PEDS1: variants seen among roughly 807,000 people sequenced by gnomAD.
The protein encoded by PEDS1 is CarF homolog.
Under a neutral mutation model 35.2 loss-of-function variants are expected in PEDS1, and 14 were observed. The observed-to-expected ratio is 0.40, with a 90% CI of 0.26 to 0.62. The LOEUF (loss-of-function observed/expected upper bound fraction) is 0.62, where lower values mean the gene tolerates loss of function less well. Among genes scored for constraint, PEDS1 ranks in the 20% least tolerant of loss-of-function variants. The probability of loss-of-function intolerance (pLI) is 0.44; values close to 1 mark genes in which losing one functional copy is unlikely to be tolerated. For synonymous variants in PEDS1, 152 were observed against 152.0 expected (o/e 1.00, Z 0.00); for missense variants, 260 against 367.8 (o/e 0.71, Z 2.40).
rs984024054 is a variant in PEDS1 at position 50,118,819 on chromosome 20, T to C, written c.*6239A>G. ...TTTTGTATTTTTGGTAGAGACGGGG[T>C]TTCACTATGTTGGCCAGGCTGGTCT... On this transcript the variant is annotated 3_prime_UTR_variant, in exon 6 of 6. Coordinates refer to ENST00000371652, the MANE Select transcript of PEDS1 (RefSeq NM_199129.4). The C allele has an allele frequency of 6.6e-6, 1 of 151,904 alleles. No individual in the cohort carries two copies. Among genetic ancestry groups the C allele is most frequent in the Non-Finnish European group, 1.5e-5 (1 of 67,996 alleles). 9.4% of individuals were successfully genotyped at this position (151,904 alleles called of 1,614,324 possible).
intron 1 of PEDS1, among the ~76,000 whole-genome samples, chr20:50,149,717 T>G (rs2081382621): frequency 6.6e-6 from 1 of 152,064 alleles, no homozygotes; most frequent in Admixed American, 6.6e-5. Flanking sequence ...AGAGGCCCAT[T>G]CTCTGCCACC....
intron 1 of PEDS1, among the ~76,000 whole-genome samples, chr20:50,152,956 T>C (rs1307752002): frequency 6.6e-6 from 1 of 152,016 alleles, no homozygotes; most frequent in Admixed American, 6.5e-5. Context: ...TGGAAGCCCC[T>C]GAGTTAGGGT....
intron 2 of PEDS1, among the ~76,000 whole-genome samples, chr20:50,137,045 G>A (rs1262480087): frequency 6.6e-6 from 1 of 152,048 alleles, no homozygotes; most frequent in East Asian, 1.9e-4. Flanking sequence ...AAAAAGGCGG[G>A]GTGGGGGGAG....
intron 2 of PEDS1, among the ~76,000 whole-genome samples, chr20:50,137,443 G>C (rs1201812104): frequency 1.3e-5 from 2 of 152,200 alleles, no homozygotes; most frequent in African/African-American, 4.8e-5. Flanking sequence ...CTTTTGCTAT[G>C]ATGTGATGAA....
Position 50,153,684 on chromosome 20 carries a change from G to C in PEDS1, c.-47C>G, listed in dbSNP as rs8121379. The C allele has an allele frequency of 2.5e-6, 3 of 1,201,198 alleles. No homozygotes were observed. Among genetic ancestry groups the C allele is most frequent in the Non-Finnish European group, 3.1e-6 (3 of 968,724 alleles). The allele number at this position is 1,201,198 out of a possible 1,614,324, so 74.4% of individuals were successfully genotyped here. On this transcript the variant is annotated 5_prime_UTR_variant, in exon 1 of 6. Transcript: ENST00000371652. ...GGTGCGCTCTGCTGGCGGCGGCGGC[G>C]GCAGGGCCGCGGAACCGCGGCGAGA...
chr20:50,119,274 A>G lies in PEDS1; in HGVS notation c.*5784T>C, dbSNP rs2147258336. On this transcript the variant is annotated 3_prime_UTR_variant, in exon 6 of 6. Transcript: ENST00000371652. Reference sequence around the variant, plus strand: ...AGCAAGACCCCCGTCTCTAAAAATAATAAAAAAAAATTAGCTCAGCATGGT... The same window carrying G: ...AGCAAGACCCCCGTCTCTAAAAATAGTAAAAAAAAATTAGCTCAGCATGGT... 1 of 152,116 alleles carries G rather than the reference A, an allele frequency of 6.6e-6. No homozygotes were observed. Among genetic ancestry groups the G allele is most frequent in the African/African-American group, 2.4e-5 (1 of 41,460 alleles). 9.4% of individuals were successfully genotyped at this position (152,116 alleles called of 1,614,324 possible).
At chr20:50,132,042 A>G (rs1798623389) in intron 2 of PEDS1, among the ~76,000 whole-genome samples, 1 of 152,062 alleles carries the variant, frequency 6.6e-6, no homozygotes, top group Non-Finnish European at 1.5e-5. Flanking sequence ...CATCTGTACT[A>G]AAAATACAAA....
intron 3 of PEDS1, among the ~76,000 whole-genome samples, chr20:50,130,358 T>C (rs2081164512): frequency 6.6e-6 from 1 of 152,030 alleles, no homozygotes; most frequent in Admixed American, 6.6e-5. Flanking sequence ...CTGGCCACCT[T>C]ATGAGGGGAA....
At chr20:50,144,002 C>A (rs1294404687) in intron 1 of PEDS1, among the ~76,000 whole-genome samples, 1 of 151,922 alleles carries the variant, frequency 6.6e-6, no homozygotes, top group African/African-American at 2.4e-5. Flanking sequence ...TGGCCAGGAG[C>A]TTTTCAACTT....
intron 2 of PEDS1, among the ~76,000 whole-genome samples, chr20:50,135,507 A>C (rs2081224661): frequency 1.3e-5 from 2 of 151,700 alleles, no homozygotes; most frequent in African/African-American, 4.8e-5. Context: ...AAAAATACAA[A>C]ATTAGCCAGG....
chr20:50,140,115 C>A (rs916869940), intron 2 of PEDS1, among the ~76,000 whole-genome samples: 9 of 152,354 alleles, frequency 5.9e-5, no homozygotes, highest in East Asian at 1.9e-4. Context: ...AAGAGAGAAA[C>A]CTTGGAGTCA....
rs1457139927 is a variant in PEDS1 at position 50,122,385 on chromosome 20, G to A, written c.*2673C>T. Reference sequence around the variant, plus strand: ...AAAAGTCTAGTTGGCAAAGGAAAATGGCATTATGGGTCACGTTTTAAAAAA... The same window carrying A: ...AAAAGTCTAGTTGGCAAAGGAAAATAGCATTATGGGTCACGTTTTAAAAAA... On this transcript the variant is annotated 3_prime_UTR_variant, in exon 6 of 6. Coordinates refer to ENST00000371652, the MANE Select transcript of PEDS1 (RefSeq NM_199129.4). The A allele has an allele frequency of 6.6e-6, 1 of 152,164 alleles. No homozygotes were observed. The highest frequency in any genetic ancestry group is 1.5e-5 in the Non-Finnish European group (1 of 68,048). 9.4% of individuals were successfully genotyped at this position (152,164 alleles called of 1,614,324 possible).
intron 2 of PEDS1, among the ~76,000 whole-genome samples, chr20:50,137,827 C>T (rs1232855091): frequency 3.3e-5 from 5 of 152,082 alleles, no homozygotes; most frequent in African/African-American, 7.2e-5. Context: ...GCCGAGATTG[C>T]GCCACTGCAC....
chr20:50,143,041 G>T (rs891522170), intron 2 of PEDS1, among the ~76,000 whole-genome samples: 1 of 152,076 alleles, frequency 6.6e-6, no homozygotes, highest in Non-Finnish European at 1.5e-5. Context: ...ATGAGAGTGG[G>T]GGAGTGGCAT....
chr20:50,135,786 C>T (rs2081228293), intron 2 of PEDS1, among the ~76,000 whole-genome samples: 1 of 151,712 alleles, frequency 6.6e-6, no homozygotes, highest in African/African-American at 2.4e-5. Flanking sequence ...ACTGATTTTG[C>T]CTATTCTAGA....
Position 50,130,965 on chromosome 20 carries a change from A to T in PEDS1, c.242-18T>A, listed in dbSNP as rs779951740. Reference sequence around the variant, plus strand: ...CCCTGCAACTGTGGACAAGAGGGTGAGTGAAGGGACATCCCTGCACCCCCC... The same window carrying T: ...CCCTGCAACTGTGGACAAGAGGGTGTGTGAAGGGACATCCCTGCACCCCCC... On this transcript the variant is annotated intron_variant, in intron 2 of 5. Transcript: ENST00000371652. 6.2e-7 allele frequency: 1 copy of T among 1,614,186 alleles called. No homozygotes were observed. Among genetic ancestry groups the T allele is most frequent in the South Asian group, 1.1e-5 (1 of 91,080 alleles).
At chr20:50,134,948 T>A (rs1232718551) in intron 2 of PEDS1, among the ~76,000 whole-genome samples, 1 of 150,462 alleles carries the variant, frequency 6.6e-6, no homozygotes, top group Non-Finnish European at 1.5e-5. Context: ...TTTGGGAGGC[T>A]GAGGCAGGCG....
intron 2 of PEDS1, among the ~76,000 whole-genome samples, chr20:50,139,352 C>T (rs1370951655): frequency 2.0e-5 from 3 of 152,174 alleles, no homozygotes; most frequent in Non-Finnish European, 2.9e-5. Flanking sequence ...CAACGATGTG[C>T]GTGTCACAGT....
chr20:50,135,158 C>G (rs746848549), intron 2 of PEDS1, among the ~76,000 whole-genome samples: 12 of 152,196 alleles, frequency 7.9e-5, no homozygotes, highest in African/African-American at 2.4e-5. Flanking sequence ...GCACTCCAGC[C>G]TGGGCAACAG....
Sources: gnomAD v4.1 joint callset for allele counts (sites outside exome capture counted in the v4.1 genomes callset) on GRCh38, gnomAD v4.1.1 for gene constraint, MANE v1.5 for transcripts, NCBI Gene and HGNC (gene_info 2026-07-23, HGNC 2026-07-21) for gene names.